The following GTF2A1L variants were observed in gnomAD, a reference collection of about 807,000 sequenced individuals.
The protein encoded by GTF2A1L is general transcription factor IIA subunit 1 like.
Under a neutral mutation model 49.7 loss-of-function variants are expected in GTF2A1L, and 48 were observed. The observed-to-expected ratio is 0.97, with a 90% CI of 0.77 to 1.23. The LOEUF (loss-of-function observed/expected upper bound fraction) is 1.23, where lower values mean the gene tolerates loss of function less well. Ranked by LOEUF, GTF2A1L falls within the 50% of genes most tolerant of loss-of-function variation. The pLI, the probability that GTF2A1L is intolerant of heterozygous loss-of-function variation, is 0.00. For synonymous variants in GTF2A1L, 246 were observed against 193.5 expected (o/e 1.27, Z -2.25); for missense variants, 736 against 564.8 (o/e 1.30, Z -3.07).
intron 6 of GTF2A1L, among the ~76,000 whole-genome samples, chr2:48,649,824 C>A (rs1677747422): frequency 6.6e-6 from 1 of 152,164 alleles, no homozygotes; most frequent in South Asian, 2.1e-4. Flanking sequence ...TCTTTCTCTG[C>A]CAAAGTTTCC....
In GTF2A1L at chr2:48,647,011, A is replaced by G; in HGVS notation, c.947A>G (p.Glu316Gly). Residue 316 changes from glutamate (E) to glycine (G), a missense_variant, in exon 6 of 9, where the codon GAG becomes GGG. Transcript: ENST00000403751. ...CDSVKQPRNI[E>G]EPSNIPVSEK... ...TCTGTAAAGCAACCAAGAAATATAG[A>G]GGAACCCAGCAACATACCTGTATCA... 1 of 1,613,084 alleles carries G rather than the reference A, an allele frequency of 6.2e-7. No individual in the cohort carries two copies. The highest frequency in any genetic ancestry group is 8.5e-7 in the Non-Finnish European group (1 of 1,179,544).
intron 6 of GTF2A1L, among the ~76,000 whole-genome samples, chr2:48,666,704 T>A (rs1222749324): frequency 6.6e-6 from 1 of 152,068 alleles, no homozygotes; most frequent in African/African-American, 2.4e-5. Flanking sequence ...TGATGACCCC[T>A]TCACATGAAA....
chr2:48,664,758 AC>A (rs1678718875), intron 6 of GTF2A1L, among the ~76,000 whole-genome samples: 1 of 152,044 alleles, frequency 6.6e-6, no homozygotes, highest in African/African-American at 2.4e-5. Flanking sequence ...TATCCATTTT[AC>A]TTAAGTTGTA....
chr2:48,678,746 C>T (rs1247234652), intron 8 of GTF2A1L, among the ~76,000 whole-genome samples: 2 of 151,992 alleles, frequency 1.3e-5, no homozygotes, highest in East Asian at 1.9e-4. Context: ...GACTTTCTTC[C>T]TCATGATGAA....
chr2:48,620,648 G>A (rs954085065), intron 1 of GTF2A1L, among the ~76,000 whole-genome samples: 1 of 152,116 alleles, frequency 6.6e-6, no homozygotes, highest in African/African-American at 2.4e-5. Flanking sequence ...ATGGTGGCAT[G>A]CACCTGTAAT....
At chr2:48,641,579 T>C (rs1677201020) in intron 3 of GTF2A1L, among the ~76,000 whole-genome samples, 1 of 152,184 alleles carries the variant, frequency 6.6e-6, no homozygotes, top group Non-Finnish European at 1.5e-5. Context: ...CTAACAGCTA[T>C]ATTTAGTCAT....
intron 6 of GTF2A1L, among the ~76,000 whole-genome samples, chr2:48,656,319 C>G (rs565872662): frequency 7.1e-6 from 1 of 140,994 alleles, no homozygotes; most frequent in South Asian, 2.3e-4. Flanking sequence ...CATCTGATTT[C>G]TCCATATCCC....
chr2:48,633,139 T>C, intron 3 of GTF2A1L: 1 of 263,696 alleles, frequency 3.8e-6, no homozygotes, highest in Non-Finnish European at 7.9e-6. Context: ...TGATGGTTCA[T>C]GACAGTATCA....
At chr2:48,617,959 A>G (rs1019005304) in intron 1 of GTF2A1L, 64 bp downstream of exon 1, 6 of 1,487,682 alleles carry the variant, frequency 4.0e-6, no homozygotes, top group South Asian at 1.2e-5. Context: ...ACGGCAGCCG[A>G]ACCCTGCACC....
At chr2:48,648,681 A>G (rs1677672800) in intron 6 of GTF2A1L, among the ~76,000 whole-genome samples, 1 of 152,120 alleles carries the variant, frequency 6.6e-6, no homozygotes. Context: ...GATAATATAT[A>G]TGAAGTATTT....
At chr2:48,674,323 C>T (rs1164831557) in intron 8 of GTF2A1L, among the ~76,000 whole-genome samples, 2 of 151,980 alleles carry the variant, frequency 1.3e-5, no homozygotes, top group Non-Finnish European at 2.9e-5. Flanking sequence ...TATATCATTG[C>T]GGTTTTGATT....
chr2:48,663,582 T>C (rs141742629), intron 6 of GTF2A1L, among the ~76,000 whole-genome samples: 43 of 152,324 alleles, frequency 2.8e-4, no homozygotes, highest in African/African-American at 8.2e-4. Context: ...AATGTAAAAA[T>C]GTATTTTTTG....
At chr2:48,638,813 T>C (rs772698121) in intron 3 of GTF2A1L, among the ~76,000 whole-genome samples, 1 of 152,290 alleles carries the variant, frequency 6.6e-6, no homozygotes, top group Middle Eastern at 3.4e-3. Flanking sequence ...TGATTCTATA[T>C]GCAGAAAACT....
chr2:48,651,944 C>T (rs1280473643), intron 6 of GTF2A1L, among the ~76,000 whole-genome samples: 1 of 152,106 alleles, frequency 6.6e-6, no homozygotes, highest in Admixed American at 6.5e-5. Context: ...CCTGTGGTAT[C>T]AGTTATGGAT....
chr2:48,621,096 T>G (rs1419671847), intron 2 of GTF2A1L, 71 bp from the exon 3 acceptor site: 1 of 1,534,370 alleles, frequency 6.5e-7, no homozygotes, highest in Non-Finnish European at 8.7e-7. Flanking sequence ...TTTAAGAAAC[T>G]GAAAAAAAGA....
At chr2:48,673,359 C>CTTTTT (rs34493140) in intron 8 of GTF2A1L, among the ~76,000 whole-genome samples, 17 of 109,700 alleles carry the variant, frequency 1.5e-4, no homozygotes, top group South Asian at 2.9e-4. Flanking sequence ...ACACAGGAAA[C>CTTTTT]TTTTTTTTTT....
chr2:48,655,330 A>AT (rs902231019), intron 6 of GTF2A1L, among the ~76,000 whole-genome samples: 1 of 151,910 alleles, frequency 6.6e-6, no homozygotes. Context: ...CATTTTTAAA[A>AT]ATATATTTTT....
intron 3 of GTF2A1L, among the ~76,000 whole-genome samples, chr2:48,641,582 T>C (rs574196049): frequency 6.6e-6 from 1 of 152,296 alleles, no homozygotes; most frequent in South Asian, 2.1e-4. Context: ...ACAGCTATAT[T>C]TAGTCATGTT....
chr2:48,620,849 A>G lies in GTF2A1L; in HGVS notation c.22-2A>G. The G allele has an allele frequency of 3.5e-6, 5 of 1,435,356 alleles. No homozygotes were observed. The highest frequency in any genetic ancestry group is 4.6e-6 in the Non-Finnish European group (5 of 1,093,232). 88.9% of individuals were successfully genotyped at this position (1,435,356 alleles called of 1,614,324 possible). ...GAAACTTTAACAATTGCTTTTATGT[A>G]GCCTAAACTCTACAGATCTGTAATT... On this transcript the variant is annotated splice_acceptor_variant, in intron 1 of 8. Coordinates refer to ENST00000403751, the MANE Select transcript of GTF2A1L (RefSeq NM_006872.5). LOFTEE classifies it high-confidence loss of function.
Sources: gnomAD v4.1 joint callset for allele counts (sites outside exome capture counted in the v4.1 genomes callset) on GRCh38, gnomAD v4.1.1 for gene constraint, MANE v1.5 for transcripts, NCBI Gene and HGNC (gene_info 2026-07-23, HGNC 2026-07-21) for gene names.